Variants in USP3 observed in about 807,000 individuals in gnomAD.
USP3 encodes ubiquitin carboxyl-terminal hydrolase 3.
Under a neutral mutation model 72.3 loss-of-function variants are expected in USP3, and 20 were observed. The ratio of observed to expected loss-of-function variants is 0.28; its 90% CI spans 0.19 to 0.40. The LOEUF is 0.40. Ranked by LOEUF, USP3 falls within the 10% of genes least tolerant of loss-of-function variation. The probability of loss-of-function intolerance (pLI) is 1.00; values close to 1 mark genes in which losing one functional copy is unlikely to be tolerated. For missense variants in USP3, 479 were observed against 633.9 expected, an observed-to-expected ratio of 0.76 and a Z score of 2.62; for synonymous variants, 222 against 225.3, an observed-to-expected ratio of 0.99 and a Z score of 0.13.
At chr15:63,589,120 A>G (rs1174193966) in intron 14 of USP3, 109 bp downstream of exon 14, 2 of 1,278,438 alleles carry the variant, frequency 1.6e-6, no homozygotes, top group African/African-American at 2.9e-5. Context: ...GGATTCAGAT[A>G]AAGTAGGTGA....
At chr15:63,563,590 C>T (rs2066642395) in intron 8 of USP3, among the ~76,000 whole-genome samples, 1 of 152,194 alleles carries the variant, frequency 6.6e-6, no homozygotes, top group Admixed American at 6.5e-5. Context: ...TCAGAGGAAT[C>T]CTGCCTTTTC....
rs1163316863 is a variant in USP3, at chr15:63,588,305, A to C, written c.1097A>C (p.Asp366Ala). The C allele has an allele frequency of 5.0e-6, 8 of 1,593,024 alleles. No individual in the cohort carries two copies. Among genetic ancestry groups the C allele is most frequent in the Non-Finnish European group, 6.0e-6 (7 of 1,173,494 alleles). Reference protein sequence around the residue: ...QENGPVCSLRDCLRSFTDLEE... With the variant: ...QENGPVCSLRACLRSFTDLEE... Reference sequence around the variant, plus strand: ...ATGCTGCCAAAATCAATTTGTTTAGATTGTCTTCGCAGTTTTACCGACTTA... The same window carrying C: ...ATGCTGCCAAAATCAATTTGTTTAGCTTGTCTTCGCAGTTTTACCGACTTA... The change falls in exon 12 of 15, where the codon GAT becomes GCT. Residue 366 changes from aspartate to alanine, a missense_variant and splice_region_variant. By Grantham distance (126) the Asp-to-Ala change is moderately radical. Coordinates refer to ENST00000380324, the MANE Select transcript of USP3 (RefSeq NM_006537.4). The surrounding 1 kb of genome is among the most constrained non-coding windows in gnomAD (Gnocchi z 4.6).
Position 63,559,926 on chromosome 15 carries a change from AG to A in USP3, c.605del (p.Gly202GlufsTer18), listed in dbSNP as rs757095720. 6.2e-7 allele frequency: 1 copy of A among 1,614,130 alleles called. No homozygotes were observed. Among genetic ancestry groups the A allele is most frequent in the Non-Finnish European group, 8.5e-7 (1 of 1,179,980 alleles). On this transcript the variant is annotated frameshift_variant, in exon 7 of 15. Transcript: ENST00000380324. LOFTEE classifies it high-confidence loss of function. ...TGGAGTTAAGGAATGGGAAAACAGCAGGAAGGCGGACATACCACACCAGGAG... is the reference window on the plus strand; with the variant it reads ...TGGAGTTAAGGAATGGGAAAACAGCAGAAGGCGGACATACCACACCAGGAG... Reference protein sequence around the residue: ...AVELRNGKTAGRRTYHTRSQG... With the variant: ...AVELRNGKTAXRRTYHTRSQG...
intron 11 of USP3, among the ~76,000 whole-genome samples, chr15:63,579,690 T>C (rs1297394265): frequency 3.3e-5 from 5 of 152,172 alleles, no homozygotes; most frequent in Non-Finnish European, 5.9e-5. Context: ...GTTTCATAAA[T>C]TTAATTGAGC....
intron 5 of USP3, among the ~76,000 whole-genome samples, chr15:63,557,903 C>T (rs1342382398): frequency 6.6e-6 from 1 of 151,978 alleles, no homozygotes; most frequent in Non-Finnish European, 1.5e-5. Flanking sequence ...TAGAACAATC[C>T]CAGGATCAGA....
chr15:63,547,888 G>GGCAT lies in USP3; in HGVS notation c.285-5827_285-5826insGCAT, dbSNP rs1555446526. Among the ~76,000 whole-genome samples, 421 of 73,298 alleles carry GGCAT rather than the reference G, an allele frequency of 5.7e-3. 48 individuals are homozygous for GGCAT. The highest frequency in any genetic ancestry group is 7.2e-3 in the Non-Finnish European group (250 of 34,528). 48.1% of individuals were successfully genotyped at this position (73,298 alleles called of 152,430 possible). ...GCATAGAGAGAGAGAGAGAGAGAGAGAGAGAGAGGCATAGAGAGAGGCATA... is the reference window on the plus strand; with the variant it reads ...GCATAGAGAGAGAGAGAGAGAGAGAGGCATAGAGAGAGGCATAGAGAGAGGCATA... On this transcript the variant is annotated intron_variant, in intron 3 of 14. Transcript: ENST00000380324.
chr15:63,585,378 A>T (rs938460553), intron 11 of USP3, among the ~76,000 whole-genome samples: 5 of 152,170 alleles, frequency 3.3e-5, no homozygotes, highest in Admixed American at 6.5e-5. Flanking sequence ...GTCTTTAAAA[A>T]TTTCTTTCAG....
intron 1 of USP3, among the ~76,000 whole-genome samples, chr15:63,513,918 G>T (rs6494408): frequency 0.75 from 114,486 of 152,152 alleles, 44,669 homozygotes; most frequent in Non-Finnish European, 0.81. Flanking sequence ...GAGCAACAAT[G>T]GTACAAATTG....
chr15:63,574,486 T>A lies in USP3; in HGVS notation c.1096+83T>A. On this transcript the variant is annotated intron_variant, in intron 11 of 14. Coordinates refer to ENST00000380324, the MANE Select transcript of USP3 (RefSeq NM_006537.4). The surrounding 1 kb of genome is among the most constrained non-coding windows in gnomAD (Gnocchi z 4.6). ...AAGCTTCATCTATATGTGGTATCTTTAATTAATATCTTTAATGAATCTGTG... is the reference window on the plus strand; with the variant it reads ...AAGCTTCATCTATATGTGGTATCTTAAATTAATATCTTTAATGAATCTGTG... 2.0e-6 allele frequency: 2 copies of A among 1,025,546 alleles called. No individual in the cohort carries two copies. Among genetic ancestry groups the A allele is most frequent in the Non-Finnish European group, 2.8e-6 (2 of 721,572 alleles). 63.5% of individuals were successfully genotyped at this position (1,025,546 alleles called of 1,614,324 possible).
intron 1 of USP3, among the ~76,000 whole-genome samples, chr15:63,523,097 T>C (rs1480991926): frequency 6.6e-6 from 1 of 152,200 alleles, no homozygotes; most frequent in Non-Finnish European, 1.5e-5. Context: ...TTTAAGGTGG[T>C]TATAACAGTT....
intron 1 of USP3, among the ~76,000 whole-genome samples, chr15:63,506,137 A>AT (rs1223396404): frequency 6.6e-6 from 1 of 152,196 alleles, no homozygotes; most frequent in East Asian, 1.9e-4. Flanking sequence ...GCCTTTGAAA[A>AT]TTAACGGTTA....
chr15:63,574,187 T>G lies in USP3; in HGVS notation c.1015+35T>G. On this transcript the variant is annotated intron_variant, in intron 10 of 14. Coordinates refer to ENST00000380324, the MANE Select transcript of USP3 (RefSeq NM_006537.4). This position sits in a 1 kb window ranked among gnomAD's most constrained non-coding sequence, Gnocchi z 4.6. ...ATGTGGCATGTGGATATATAATATT[T>G]TATTAAAATAAATTTAATGTTTCCT... 7.0e-7 allele frequency: 1 copy of G among 1,434,640 alleles called. No individual in the cohort carries two copies. The highest frequency in any genetic ancestry group is 9.3e-7 in the Non-Finnish European group (1 of 1,073,278). The allele number at this position is 1,434,640 out of a possible 1,614,324, so 88.9% of individuals were successfully genotyped here.
In USP3 at chr15:63,592,594, C is replaced by G. The variant is rs1186744182; in HGVS notation, c.*1768C>G. The G allele has an allele frequency of 6.6e-6, 1 of 151,628 alleles. No individual in the cohort carries two copies. Among genetic ancestry groups the G allele is most frequent in the African/African-American group, 2.4e-5 (1 of 41,214 alleles). The allele number at this position is 151,628 out of a possible 1,614,324, so 9.4% of individuals were successfully genotyped here. ...CTCGAAGTAGCTGGCACCACCACAC[C>G]CAGCTAATTTTTAATATTTTTACTA... On this transcript the variant is annotated 3_prime_UTR_variant, in exon 15 of 15. Transcript: ENST00000380324.
intron 1 of USP3, among the ~76,000 whole-genome samples, chr15:63,508,192 C>T (rs1306734757): frequency 6.6e-6 from 1 of 152,166 alleles, no homozygotes; most frequent in East Asian, 1.9e-4. Context: ...GTCCTGGAAA[C>T]TTTCAGGGGT....
intron 1 of USP3, among the ~76,000 whole-genome samples, chr15:63,524,673 G>A (rs1044298720): frequency 2.6e-5 from 4 of 152,128 alleles, no homozygotes; most frequent in Admixed American, 2.6e-4. Flanking sequence ...CCCCAGTGGT[G>A]TCATAATCTC....
At chr15:63,547,740 G>A (rs1292289927) in intron 3 of USP3, among the ~76,000 whole-genome samples, 3 of 14,460 alleles carry the variant, frequency 2.1e-4, no homozygotes, top group Non-Finnish European at 6.9e-4. Flanking sequence ...GAGAGAGAGA[G>A]AGAGGGAGGG....
intron 1 of USP3, among the ~76,000 whole-genome samples, chr15:63,508,606 C>T (rs1374323288): frequency 6.6e-6 from 1 of 152,156 alleles, no homozygotes; most frequent in East Asian, 1.9e-4. Context: ...TTGTTATGTG[C>T]ACATACCAGA....
chr15:63,519,352 A>G (rs1214177378), intron 1 of USP3, among the ~76,000 whole-genome samples: 2 of 148,598 alleles, frequency 1.3e-5, no homozygotes, highest in East Asian at 2.0e-4. Flanking sequence ...TTTCTATTCT[A>G]ACATCATAAT....
intron 14 of USP3, among the ~76,000 whole-genome samples, chr15:63,589,277 T>C (rs2067138255): frequency 6.6e-6 from 1 of 152,198 alleles, no homozygotes; most frequent in Non-Finnish European, 1.5e-5. Flanking sequence ...ACTCCAAAGT[T>C]GCTTATTCGT....
Sources: gnomAD v4.1 joint callset for allele counts (sites outside exome capture counted in the v4.1 genomes callset) on GRCh38, gnomAD v4.1.1 for gene constraint, Gnocchi (gnomAD v3.1) non-coding constraint, MANE v1.5 for transcripts, NCBI Gene and HGNC (gene_info 2026-07-23, HGNC 2026-07-21) for gene names.